Variants in ENTREP2 observed in about 807,000 individuals in gnomAD.
ENTREP2 encodes the protein endosomal transmembrane epsin interactor 2, also known as protein ENTREP2.
chr15:29,368,541 C>T, the ENTREP2 span, among the ~76,000 whole-genome samples: 15 of 151,706 alleles, frequency 9.9e-5, no homozygotes, highest in African/African-American at 3.4e-4. Context: ...TGATATCTCA[C>T]CAAACAGAAA....
chr15:29,576,838 C>T, the ENTREP2 span, among the ~76,000 whole-genome samples: 2 of 152,166 alleles, frequency 1.3e-5, no homozygotes, highest in South Asian at 2.1e-4. Context: ...GACGGAGTCT[C>T]GCTCTGTCAC....
chr15:29,255,495 C>A, the ENTREP2 span, among the ~76,000 whole-genome samples: 2 of 152,098 alleles, frequency 1.3e-5, no homozygotes, highest in African/African-American at 2.4e-5. Context: ...AACGACCATT[C>A]GACCCAGCAA....
chr15:29,593,767 T>C, the ENTREP2 span, among the ~76,000 whole-genome samples: 18 of 152,210 alleles, frequency 1.2e-4, no homozygotes, highest in Admixed American at 1.1e-3. Flanking sequence ...GGGCACAGAC[T>C]GATGGTTGCC....
the ENTREP2 span, among the ~76,000 whole-genome samples, chr15:29,180,255 AC>A: frequency 6.6e-6 from 1 of 152,234 alleles, no homozygotes; most frequent in African/African-American, 2.4e-5. Context: ...ATGACTTACT[AC>A]AAAAATTCAC....
the ENTREP2 span, among the ~76,000 whole-genome samples, chr15:29,489,284 T>G: frequency 6.6e-6 from 1 of 152,112 alleles, no homozygotes; most frequent in African/African-American, 2.4e-5. Flanking sequence ...AGGGTACTGA[T>G]TTAAGATAAT....
At chr15:29,220,170 T>C in the ENTREP2 span, among the ~76,000 whole-genome samples, 3 of 152,270 alleles carry the variant, frequency 2.0e-5, no homozygotes, top group Non-Finnish European at 2.9e-5. Flanking sequence ...GGAGACCCGC[T>C]GGGCTGGCTC....
the ENTREP2 span, among the ~76,000 whole-genome samples, chr15:29,548,120 A>G: frequency 2.0e-5 from 3 of 152,138 alleles, no homozygotes; most frequent in African/African-American, 7.2e-5. Flanking sequence ...GGTTAGCTGC[A>G]CAACAGTGTG....
At chr15:29,488,927 A>T in the ENTREP2 span, among the ~76,000 whole-genome samples, 2 of 152,214 alleles carry the variant, frequency 1.3e-5, no homozygotes, top group African/African-American at 2.4e-5. Flanking sequence ...ATCCACAGGG[A>T]CATAATTCAG....
At chr15:29,171,681 C>A in the ENTREP2 span, among the ~76,000 whole-genome samples, 1 of 152,134 alleles carries the variant, frequency 6.6e-6, no homozygotes, top group South Asian at 2.1e-4. Context: ...TAAAAGGTCT[C>A]AAGTACTCCA....
the ENTREP2 span, among the ~76,000 whole-genome samples, chr15:29,580,651 A>G: frequency 6.6e-6 from 1 of 152,122 alleles, no homozygotes; most frequent in South Asian, 2.1e-4. Flanking sequence ...GGTGAGATCT[A>G]ACACCATTGG....
At chr15:29,181,990 T>C in the ENTREP2 span, among the ~76,000 whole-genome samples, 3 of 152,002 alleles carry the variant, frequency 2.0e-5, no homozygotes, top group Non-Finnish European at 4.4e-5. Context: ...TGGGAAAAAT[T>C]AAGAATCAAT....
chr15:29,122,139 T>C, the ENTREP2 span: 5 of 152,218 alleles, frequency 3.3e-5, no homozygotes, highest in African/African-American at 1.2e-4. Context: ...TGGCTGCTAG[T>C]GGCCCTGAAC....
chr15:29,675,409 C>G, the ENTREP2 span: 1 of 152,378 alleles, frequency 6.6e-6, no homozygotes, highest in African/African-American at 2.4e-5. Context: ...GTCACTGCTA[C>G]GGAGCCCGCC....
the ENTREP2 span, among the ~76,000 whole-genome samples, chr15:29,664,743 G>A: frequency 6.6e-6 from 1 of 152,134 alleles, no homozygotes; most frequent in Non-Finnish European, 1.5e-5. Flanking sequence ...GCAATATTTG[G>A]AACTCTCTTG....
At chr15:29,118,051 C>T in the ENTREP2 span, 2 of 152,556 alleles carry the variant, frequency 1.3e-5, no homozygotes, top group Non-Finnish European at 2.9e-5. Context: ...GCGCAGTGGC[C>T]CTGAGCAGTA....
At chr15:29,334,437 C>T in the ENTREP2 span, among the ~76,000 whole-genome samples, 1 of 152,148 alleles carries the variant, frequency 6.6e-6, no homozygotes, top group Non-Finnish European at 1.5e-5. Flanking sequence ...AATTTCCTAG[C>T]TGTTTTCTTC....
chr15:29,407,272 C>T, the ENTREP2 span, among the ~76,000 whole-genome samples: 1 of 152,284 alleles, frequency 6.6e-6, no homozygotes, highest in East Asian at 1.9e-4. Flanking sequence ...TTTAACACAT[C>T]TCAACATAAT....
chr15:29,434,179 A>G, the ENTREP2 span, among the ~76,000 whole-genome samples: 2 of 152,150 alleles, frequency 1.3e-5, no homozygotes, highest in Admixed American at 6.5e-5. Flanking sequence ...AATTCCTGCA[A>G]TCTTTCAAAG....
chr15:29,296,227 G>C, the ENTREP2 span, among the ~76,000 whole-genome samples: 1 of 152,154 alleles, frequency 6.6e-6, no homozygotes, highest in East Asian at 1.9e-4. Flanking sequence ...CCAATTAATA[G>C]AAACAGTAAT....
Sources: allele counts gnomAD v4.1 joint callset (sites outside exome capture counted in the v4.1 genomes callset), GRCh38; gene constraint gnomAD v4.1.1; transcripts MANE v1.5; gene names NCBI Gene and HGNC (gene_info 2026-07-23, HGNC 2026-07-21).